The following CACNG2 variants were observed in gnomAD, a reference collection of about 807,000 sequenced individuals.
CACNG2 encodes calcium voltage-gated channel auxiliary subunit gamma 2.
A neutral mutation model predicts 25.9 loss-of-function variants in CACNG2; 3 were observed. The ratio of observed to expected loss-of-function variants is 0.12; its 90% CI spans 0.05 to 0.30. The LOEUF is 0.30. CACNG2 is among the 10% of genes least tolerant of loss of function. The probability of loss-of-function intolerance (pLI) is 1.00; values close to 1 mark genes in which losing one functional copy is unlikely to be tolerated. For synonymous variants in CACNG2, 167 were observed against 173.3 expected (o/e 0.96, Z 0.29); for missense variants, 341 against 432.5 (o/e 0.79, Z 1.88).
chr22:36,635,736 C>T (rs1402595020), intron 1 of CACNG2, among the ~76,000 whole-genome samples: 3 of 152,116 alleles, frequency 2.0e-5, no homozygotes. Flanking sequence ...CACCTCAACC[C>T]AAGCTCATGA....
chr22:36,573,295 A>G (rs191276462), intron 2 of CACNG2, among the ~76,000 whole-genome samples: 129 of 152,278 alleles, frequency 8.5e-4, no homozygotes, highest in Non-Finnish European at 1.4e-3. Flanking sequence ...ATAGACCTGG[A>G]TTCAAATCCA....
chr22:36,582,879 G>A (rs1935442539), intron 2 of CACNG2, among the ~76,000 whole-genome samples: 1 of 151,968 alleles, frequency 6.6e-6, no homozygotes, highest in Non-Finnish European at 1.5e-5. Flanking sequence ...GTACCTCAAA[G>A]AGGGCCTGGC....
intron 1 of CACNG2, among the ~76,000 whole-genome samples, chr22:36,621,017 G>A (rs1936096232): frequency 6.6e-6 from 1 of 152,182 alleles, no homozygotes; most frequent in African/African-American, 2.4e-5. Context: ...CAAACTTTGT[G>A]TTTAGAACTC....
rs1188356538 is a variant in CACNG2, at chr22:36,701,386, A to T, written c.211+980T>A. On this transcript the variant is annotated intron_variant, in intron 1 of 3. Coordinates refer to ENST00000300105, the MANE Select transcript of CACNG2 (RefSeq NM_006078.5). ...TTTTCTGTGCTTATTAATGTGTCCC[A>T]GAAGTACATGCCTTCATCCATAGCG... 3.9e-5 allele frequency among the ~76,000 whole-genome samples: 6 copies of T among 152,108 alleles called. No homozygotes were observed. The East Asian group carries it at 1.2e-3, about 29-fold the overall frequency.
At chr22:36,682,598 C>G (rs1460954130) in intron 1 of CACNG2, among the ~76,000 whole-genome samples, 2 of 150,236 alleles carry the variant, frequency 1.3e-5, no homozygotes, top group Admixed American at 6.7e-5. Flanking sequence ...AGGATGGACA[C>G]TAAAGAATCC....
intron 1 of CACNG2, among the ~76,000 whole-genome samples, chr22:36,597,585 C>G (rs901016951): frequency 6.6e-6 from 1 of 152,220 alleles, no homozygotes; most frequent in Non-Finnish European, 1.5e-5. Flanking sequence ...AGATACTCAA[C>G]AATGTAGGTC....
At chr22:36,575,359 A>C (rs1935295490) in intron 2 of CACNG2, among the ~76,000 whole-genome samples, 1 of 151,942 alleles carries the variant, frequency 6.6e-6, no homozygotes, top group Non-Finnish European at 1.5e-5. Flanking sequence ...CCCTAGACAA[A>C]TCATCTTGTG....
At chr22:36,688,635 T>C (rs1937231980) in intron 1 of CACNG2, among the ~76,000 whole-genome samples, 1 of 151,730 alleles carries the variant, frequency 6.6e-6, no homozygotes, top group African/African-American at 2.4e-5. Flanking sequence ...GCACTCTGAA[T>C]TTATTTGGTG....
intron 1 of CACNG2, among the ~76,000 whole-genome samples, chr22:36,678,636 A>C: frequency 1.6e-5 from 2 of 128,842 alleles, no homozygotes; most frequent in Admixed American, 1.7e-4. Flanking sequence ...TTCCCCCTAC[A>C]GCTCCCACAC....
At chr22:36,565,501 T>A in intron 3 of CACNG2, among the ~76,000 whole-genome samples, 1 of 151,798 alleles carries the variant, frequency 6.6e-6, no homozygotes, top group East Asian at 1.9e-4. Context: ...TTTTTTAAGA[T>A]ACAGTCTTGC....
At position 36,651,280 on chromosome 22, in the gene CACNG2, G is replaced by C. The variant is rs1290809820; in HGVS notation, c.211+51086C>G. 3.6e-5 allele frequency among the ~76,000 whole-genome samples: 5 copies of C among 138,444 alleles called. No individual in the cohort carries two copies. The East Asian group carries it at 1.1e-3, about 30-fold the overall frequency. 90.8% of individuals were successfully genotyped at this position (138,444 alleles called of 152,430 possible). ...GTCTTGCTCTGTTGCCCAGGCTGGA[G>C]TGTAGTGATGCAATCTCGGCTCACT... On this transcript the variant is annotated intron_variant, in intron 1 of 3. Coordinates refer to ENST00000300105, the MANE Select transcript of CACNG2 (RefSeq NM_006078.5).
chr22:36,697,299 G>C (rs1384876124), intron 1 of CACNG2, among the ~76,000 whole-genome samples: 1 of 152,174 alleles, frequency 6.6e-6, no homozygotes, highest in African/African-American at 2.4e-5. Context: ...TGGAACTCAG[G>C]CTTCTTGAGA....
At chr22:36,669,588 G>GTT (rs1249247607) in intron 1 of CACNG2, among the ~76,000 whole-genome samples, 1 of 150,272 alleles carries the variant, frequency 6.7e-6, no homozygotes, top group African/African-American at 2.4e-5. Flanking sequence ...CCGCTTGAAT[G>GTT]TTTGGCTTCT....
At position 36,609,868 on chromosome 22, in the gene CACNG2, C is replaced by T. The variant is rs556227999; in HGVS notation, c.212-22320G>A. On this transcript the variant is annotated intron_variant, in intron 1 of 3. Coordinates refer to ENST00000300105, the MANE Select transcript of CACNG2 (RefSeq NM_006078.5). Reference sequence around the variant, plus strand: ...AGTTTGATCGAGCAGGAATCAGCCCCGCAAACCATGACAGGGAGGAATCAG... The same window carrying T: ...AGTTTGATCGAGCAGGAATCAGCCCTGCAAACCATGACAGGGAGGAATCAG... Among the ~76,000 whole-genome samples, 29 of 149,768 alleles carry T rather than the reference C, an allele frequency of 1.9e-4. 1 individual carries two copies. In the East Asian group the frequency reaches 5.0e-3, roughly 26 times the overall value.
intron 1 of CACNG2, among the ~76,000 whole-genome samples, chr22:36,700,749 T>C (rs2284016): frequency 0.5 from 75,363 of 151,994 alleles, 19,476 homozygotes; most frequent in African/African-American, 0.64. Flanking sequence ...GATATTGATT[T>C]TCTGGCTGGG....
rs147033769 is a variant in CACNG2 at position 36,682,850 on chromosome 22, G to A, written c.211+19516C>T. 4.3e-4 allele frequency among the ~76,000 whole-genome samples: 65 copies of A among 152,250 alleles called. No homozygotes were observed. In the East Asian group the frequency reaches 7.5e-3, roughly 18 times the overall value. ...ATTAATAATGGTGACAAATCTTCCCGGCATGGACGGCTCTCACTTTCTTTT... is the reference window on the plus strand; with the variant it reads ...ATTAATAATGGTGACAAATCTTCCCAGCATGGACGGCTCTCACTTTCTTTT... On this transcript the variant is annotated intron_variant, in intron 1 of 3. Transcript: ENST00000300105.
chr22:36,587,336 GAGGCTT>G, intron 2 of CACNG2, 123 bp downstream of exon 2: 1 of 771,658 alleles, frequency 1.3e-6, no homozygotes, highest in Non-Finnish European at 2.4e-6. Context: ...GGAAAGGAGA[GAGGCTT>G]AGCTTTTTCC....
intron 1 of CACNG2, among the ~76,000 whole-genome samples, chr22:36,688,032 G>A (rs1350914424): frequency 1.3e-5 from 2 of 152,162 alleles, no homozygotes; most frequent in Non-Finnish European, 2.9e-5. Flanking sequence ...ATTTATTACA[G>A]CAGCAATAGG....
At chr22:36,673,687 G>C (rs1038075590) in intron 1 of CACNG2, among the ~76,000 whole-genome samples, 1 of 152,166 alleles carries the variant, frequency 6.6e-6, no homozygotes, top group Non-Finnish European at 1.5e-5. Context: ...AGCCAGAGCA[G>C]AGGACCGCAG....
Sources: gnomAD v4.1 joint callset for allele counts (sites outside exome capture counted in the v4.1 genomes callset) on GRCh38, gnomAD v4.1.1 for gene constraint, MANE v1.5 for transcripts, NCBI Gene and HGNC (gene_info 2026-07-23, HGNC 2026-07-21) for gene names.